GNB1: variants seen among roughly 807,000 people sequenced by gnomAD.
GNB1 encodes the protein guanine nucleotide-binding protein G(I)/G(S)/G(T) subunit beta-1.
In GNB1, 2 loss-of-function variants were observed where a neutral mutation model predicts 42.9. The observed-to-expected ratio is 0.05, with a 90% confidence interval of 0.02 to 0.15. The LOEUF (loss-of-function observed/expected upper bound fraction) is 0.15. GNB1 is among the 10% of genes least tolerant of loss of function. The probability of loss-of-function intolerance (pLI) is 1.00; values close to 1 mark genes in which losing one functional copy is unlikely to be tolerated. For missense variants in GNB1, 193 were observed against 462.2 expected, an observed-to-expected ratio of 0.42 and a Z score of 5.34; for synonymous variants, 183 against 174.7, an observed-to-expected ratio of 1.05 and a Z score of -0.38.
chr1:1,862,812 A>G (rs1203501214), intron 1 of GNB1, among the ~76,000 whole-genome samples: 1 of 152,170 alleles, frequency 6.6e-6, no homozygotes, highest in Non-Finnish European at 1.5e-5. Context: ...AAGGTAAGGA[A>G]GCTGAGGAGG....
intron 1 of GNB1, among the ~76,000 whole-genome samples, chr1:1,845,693 C>T (rs968644607): frequency 2.6e-5 from 4 of 152,030 alleles, no homozygotes; most frequent in Non-Finnish European, 5.9e-5. Flanking sequence ...AAGGCTCACA[C>T]TGGAGAAGGG....
At chr1:1,791,533 A>T (rs191058882) in intron 8 of GNB1, among the ~76,000 whole-genome samples, 1 of 152,370 alleles carries the variant, frequency 6.6e-6, no homozygotes, top group Non-Finnish European at 1.5e-5. Flanking sequence ...AGACGCTGAC[A>T]GAGCCCTGCA....
At chr1:1,846,624 G>A (rs535768813) in intron 1 of GNB1, among the ~76,000 whole-genome samples, 1 of 152,226 alleles carries the variant, frequency 6.6e-6, no homozygotes, top group South Asian at 2.1e-4. Context: ...TGACAGCCTT[G>A]AACAGCTCAC....
chr1:1,877,336 C>T (rs973362004), intron 1 of GNB1, among the ~76,000 whole-genome samples: 1 of 149,002 alleles, frequency 6.7e-6, no homozygotes, highest in Admixed American at 6.7e-5. Context: ...TATATACACA[C>T]ACACACAGAG....
At chr1:1,879,450 T>C (rs527594161) in intron 1 of GNB1, among the ~76,000 whole-genome samples, 1 of 152,330 alleles carries the variant, frequency 6.6e-6, no homozygotes, top group South Asian at 2.1e-4. Flanking sequence ...CTCATGCCTG[T>C]AATCCCAGCA....
intron 1 of GNB1, among the ~76,000 whole-genome samples, chr1:1,862,472 T>A (rs1054328554): frequency 3.5e-5 from 5 of 143,240 alleles, no homozygotes; most frequent in African/African-American, 8.0e-5. Flanking sequence ...TTTTTATTAA[T>A]TTTTTTTTTT....
chr1:1,838,782 G>C (rs984031969), intron 2 of GNB1, among the ~76,000 whole-genome samples: 6 of 152,042 alleles, frequency 3.9e-5, no homozygotes, highest in African/African-American at 1.4e-4. Context: ...TTTGAAAAAA[G>C]GGCTCTCCTG....
Position 1,786,472 on chromosome 1 carries a change from TA to T in GNB1, c.*590del. The T allele has an allele frequency of 5.7e-6, 1 of 174,062 alleles. No homozygotes were observed. The highest frequency in any genetic ancestry group is 1.2e-5 in the Non-Finnish European group (1 of 82,602). The allele number at this position is 174,062 out of a possible 1,614,324, so 10.8% of individuals were successfully genotyped here. A position where few individuals can be genotyped will look rare whatever the true frequency, so the allele number is the denominator to read the frequency against. On this transcript the variant is annotated 3_prime_UTR_variant, in exon 12 of 12. Coordinates refer to ENST00000378609, the MANE Select transcript of GNB1 (RefSeq NM_002074.5). ...TGATCTGTGACATCAGACAGAAAAT[TA>T]AAAACCAGGGACTGAATTTACATCA...
chr1:1,840,556 C>A (rs1295301784), intron 1 of GNB1, among the ~76,000 whole-genome samples: 1 of 152,206 alleles, frequency 6.6e-6, no homozygotes, highest in East Asian at 1.9e-4. Flanking sequence ...CACACACAGA[C>A]ACAACACTAA....
At chr1:1,830,819 TCTAATCTA>T (rs1320674216) in intron 2 of GNB1, among the ~76,000 whole-genome samples, 1 of 152,016 alleles carries the variant, frequency 6.6e-6, no homozygotes, top group Non-Finnish European at 1.5e-5. Context: ...AGCGCTAGAC[TCTAATCTA>T]TTGCATGAGC....
intron 6 of GNB1, among the ~76,000 whole-genome samples, chr1:1,805,499 C>T (rs571624501): frequency 6.6e-6 from 1 of 152,214 alleles, no homozygotes; most frequent in East Asian, 1.9e-4. Context: ...GGAAGGAAAA[C>T]ACTGCATTAT....
At chr1:1,861,463 T>C (rs1648622677) in intron 1 of GNB1, among the ~76,000 whole-genome samples, 1 of 151,546 alleles carries the variant, frequency 6.6e-6, no homozygotes, top group Non-Finnish European at 1.5e-5. Flanking sequence ...TCAAAAATAA[T>C]AATAATAATA....
intron 7 of GNB1, chr1:1,793,763 A>T (rs1050374534): frequency 1.3e-5 from 2 of 155,170 alleles, no homozygotes; most frequent in African/African-American, 4.8e-5. Context: ...CTGAAAGAGG[A>T]CATCAGAAAG....
intron 7 of GNB1, 133 bp downstream of exon 7, chr1:1,804,286 G>C (rs566375526): frequency 1.6e-5 from 10 of 629,700 alleles, no homozygotes; most frequent in Non-Finnish European, 2.7e-5. Flanking sequence ...GTGACAGAGC[G>C]AGACTCCGCC....
chr1:1,859,538 A>C (rs1199393583), intron 1 of GNB1, among the ~76,000 whole-genome samples: 1 of 152,200 alleles, frequency 6.6e-6, no homozygotes, highest in Non-Finnish European at 1.5e-5. Flanking sequence ...CGTGGCCTAA[A>C]GGCATTTGGA....
At chr1:1,879,583 T>C (rs928821992) in intron 1 of GNB1, among the ~76,000 whole-genome samples, 1 of 151,742 alleles carries the variant, frequency 6.6e-6, no homozygotes, top group African/African-American at 2.4e-5. Context: ...CAGGCACCTG[T>C]AGTCCCAGCT....
intron 1 of GNB1, among the ~76,000 whole-genome samples, chr1:1,887,751 G>T (rs1449433637): frequency 6.6e-6 from 1 of 152,128 alleles, no homozygotes; most frequent in Non-Finnish European, 1.5e-5. Flanking sequence ...GAGTAGCTGG[G>T]ATTACAGGCG....
intron 1 of GNB1, among the ~76,000 whole-genome samples, chr1:1,862,233 C>A (rs1648671818): frequency 1.3e-5 from 2 of 152,142 alleles, no homozygotes; most frequent in Admixed American, 6.6e-5. Context: ...AAATAAATAA[C>A]TAAGTAAAGT....
At chr1:1,850,607 GT>G (rs1647929004) in intron 1 of GNB1, among the ~76,000 whole-genome samples, 1 of 151,866 alleles carries the variant, frequency 6.6e-6, no homozygotes, top group South Asian at 2.1e-4. Context: ...TTTTTCTAGA[GT>G]TTCTGCCTCC....
Sources: allele counts gnomAD v4.1 joint callset (sites outside exome capture counted in the v4.1 genomes callset), GRCh38; gene constraint gnomAD v4.1.1; transcripts MANE v1.5; gene names NCBI Gene and HGNC (gene_info 2026-07-23, HGNC 2026-07-21).